The following C19orf18 variants were observed in gnomAD, a reference collection of about 807,000 sequenced individuals.
C19orf18 encodes uncharacterized protein C19orf18.
C19orf18 carries 21 observed loss-of-function variants against 23.3 expected under a neutral mutation model. That is an observed-to-expected ratio of 0.90 (90% CI 0.64 to 1.30). The LOEUF (loss-of-function observed/expected upper bound fraction) is 1.30. C19orf18 is among the 50% of genes most tolerant of loss of function. The pLI, the probability that C19orf18 is intolerant of heterozygous loss-of-function variation, is 0.00. For synonymous variants in C19orf18, 96 were observed against 95.2 expected (o/e 1.01, Z -0.05); for missense variants, 249 against 259.6 (o/e 0.96, Z 0.28).
rs774107357 is a variant in C19orf18 at position 57,958,669 on chromosome 19, T to C, written c.581A>G (p.Glu194Gly). Residue 194 changes from glutamate to glycine, a missense_variant, in exon 6 of 6, where the codon GAG (glutamate) becomes GGG (glycine). Physicochemically the swap from Glu to Gly is moderately conservative, Grantham distance 98 (BLOSUM62 -2). Coordinates refer to ENST00000314391, the MANE Select transcript of C19orf18 (RefSeq NM_152474.5). ...SKNIKKKLKEEQNSVTENKTK... is the reference protein window; with the variant it reads ...SKNIKKKLKEGQNSVTENKTK... Reference sequence around the variant, plus strand: ...TTTGTTTTCTGTTACTGAGTTTTGCTCTTCCTTCAGTTTCTTCTTAATATT... The same window carrying C: ...TTTGTTTTCTGTTACTGAGTTTTGCCCTTCCTTCAGTTTCTTCTTAATATT... 3.7e-6 allele frequency: 6 copies of C among 1,606,144 alleles called. No individual in the cohort carries two copies. Among genetic ancestry groups the C allele is most frequent in the Admixed American group, 1.7e-5 (1 of 58,556 alleles).
chr19:57,958,530 G>T lies in C19orf18; in HGVS notation c.*72C>A. 1 of 995,838 alleles carries T rather than the reference G, an allele frequency of 1.0e-6. No homozygotes were observed. The allele number at this position is 995,838 out of a possible 1,614,324, so 61.7% of individuals were successfully genotyped here. A position where few individuals can be genotyped will look rare whatever the true frequency, so the allele number is the denominator to read the frequency against. On this transcript the variant is annotated 3_prime_UTR_variant, in exon 6 of 6. Coordinates refer to ENST00000314391, the MANE Select transcript of C19orf18 (RefSeq NM_152474.5). Reference sequence around the variant, plus strand: ...ATAAGGTTCTCTGGGAGCAAGCCACGCCCACAGGCTCAGTCTCCCAGCACC... The same window carrying T: ...ATAAGGTTCTCTGGGAGCAAGCCACTCCCACAGGCTCAGTCTCCCAGCACC...
At chr19:57,969,566 GAAAAAAAAAAAAAAAAAAA>G (rs59100128) in intron 3 of C19orf18, among the ~76,000 whole-genome samples, 2 of 46,498 alleles carry the variant, frequency 4.3e-5, no homozygotes, top group African/African-American at 1.9e-4. Context: ...AAAAAAAACA[GAAAAAAAAAAAAAAAAAAA>G]AAAAAAAAAA....
intron 3 of C19orf18, among the ~76,000 whole-genome samples, chr19:57,967,931 G>A (rs2072919354): frequency 6.6e-6 from 1 of 152,132 alleles, no homozygotes; most frequent in South Asian, 2.1e-4. Context: ...AGAATCACTT[G>A]AACCCAGGAG....
chr19:57,960,661 G>A (rs1223824178), intron 5 of C19orf18, among the ~76,000 whole-genome samples: 3 of 152,036 alleles, frequency 2.0e-5, no homozygotes, highest in African/African-American at 7.3e-5. Flanking sequence ...ATAACATCAC[G>A]GTAATGAGTA....
intron 4 of C19orf18, among the ~76,000 whole-genome samples, chr19:57,963,360 A>C (rs1028159411): frequency 6.6e-6 from 1 of 151,736 alleles, no homozygotes; most frequent in African/African-American, 2.4e-5. Flanking sequence ...ATTGAAATGA[A>C]GCAAAAAAAA....
At position 57,974,116 on chromosome 19, in the gene C19orf18, G is replaced by T. The variant is rs2072966441; in HGVS notation, c.209C>A (p.Ala70Asp). 3.7e-6 allele frequency: 6 copies of T among 1,613,952 alleles called. No homozygotes were observed. Among genetic ancestry groups the T allele is most frequent in the Non-Finnish European group, 5.1e-6 (6 of 1,179,956 alleles). ...TGACTCACCCGTGGATCTCGAGGCA[G>T]CCCCTTGAATCCCAGGCAACTGGGT... ...HKTQLPGIQG[A>D]ASRSTAASPT... Residue 70 changes from alanine to aspartate, a missense_variant, in exon 2 of 6, where the codon GCT (alanine) becomes GAT (aspartate). Transcript: ENST00000314391.
Position 57,974,136 on chromosome 19 carries a change from C to T in C19orf18, c.189G>A (p.Gln63=), listed in dbSNP as rs371861105. Reference sequence around the variant, plus strand: ...AGGCAGCCCCTTGAATCCCAGGCAACTGGGTTTTATGAAAGAACACTTTGG... The same window carrying T: ...AGGCAGCCCCTTGAATCCCAGGCAATTGGGTTTTATGAAAGAACACTTTGG... The part of the protein sequence containing the change: ...KEPKVFFHKT[Q]LPGIQGAASR... The change falls in exon 2 of 6, where the codon CAG becomes CAA. Residue 63 remains glutamine (Q), a synonymous_variant. Transcript: ENST00000314391. 137 of 1,614,044 alleles carry T rather than the reference C, an allele frequency of 8.5e-5. No individual in the cohort carries two copies. The highest frequency in any genetic ancestry group is 1.8e-4 in the Admixed American group (11 of 60,000).
chr19:57,972,316 C>A, intron 3 of C19orf18, 147 bp downstream of exon 3: 1 of 938,334 alleles, frequency 1.1e-6, no homozygotes, highest in Non-Finnish European at 1.6e-6. Flanking sequence ...GCGCATCCCC[C>A]TCCAGAGGGG....
At chr19:57,960,679 C>T (rs545123558) in intron 5 of C19orf18, among the ~76,000 whole-genome samples, 9 of 152,168 alleles carry the variant, frequency 5.9e-5, no homozygotes, top group Admixed American at 2.0e-4. Context: ...GTATGTTTAA[C>T]GGAAACATGT....
chr19:57,963,018 T>C (rs181814433), intron 4 of C19orf18, among the ~76,000 whole-genome samples: 4 of 145,750 alleles, frequency 2.7e-5, no homozygotes, highest in African/African-American at 7.9e-5. Context: ...ATGAGTATTT[T>C]AACTCAATTT....
At chr19:57,963,620 G>T (rs1396826607) in intron 4 of C19orf18, among the ~76,000 whole-genome samples, 1 of 152,066 alleles carries the variant, frequency 6.6e-6, no homozygotes, top group African/African-American at 2.4e-5. Flanking sequence ...AAGCACAGTG[G>T]CTCACGCCTG....
intron 5 of C19orf18, among the ~76,000 whole-genome samples, 157 bp downstream of exon 5, chr19:57,961,234 T>TA (rs775666773): frequency 0.015 from 2,118 of 136,784 alleles, 47 homozygotes; most frequent in African/African-American, 0.055. Context: ...GAGTCCGTCT[T>TA]AAAAAAAAAA....
Position 57,958,616 on chromosome 19 carries a change from T to C in C19orf18, c.634A>G (p.Met212Val). Residue 212 changes from methionine to valine, a missense_variant, in exon 6 of 6, where the codon ATG (methionine) becomes GTG (valine). Physicochemically the swap from Met to Val is conservative, Grantham distance 21. Coordinates refer to ENST00000314391, the MANE Select transcript of C19orf18 (RefSeq NM_152474.5). ...GTCGTCTGCGTTCACAAGTCTTCCA[T>C]TTTTCCATTATGTGACGCATTCTTT... is the stretch of plus-strand genomic sequence containing the variant. ...KTKNASHNGK[M>V]EDL The C allele has an allele frequency of 6.2e-7, 1 of 1,603,216 alleles. No individual in the cohort carries two copies. The highest frequency in any genetic ancestry group is 8.5e-7 in the Non-Finnish European group (1 of 1,173,762).
At chr19:57,959,982 G>A (rs1336484529) in intron 5 of C19orf18, among the ~76,000 whole-genome samples, 3 of 150,316 alleles carry the variant, frequency 2.0e-5, no homozygotes, top group Admixed American at 6.7e-5. Flanking sequence ...CATGGTGCAC[G>A]CCTGTAATCC....
intron 3 of C19orf18, 35 bp downstream of exon 3, chr19:57,972,428 C>G: frequency 6.2e-7 from 1 of 1,610,610 alleles, no homozygotes; most frequent in Non-Finnish European, 8.5e-7. Context: ...AGGAATGTTG[C>G]GGGTCCACCC....
At chr19:57,961,356 G>T in intron 5 of C19orf18, 35 bp downstream of exon 5, 1 of 1,540,440 alleles carries the variant, frequency 6.5e-7, no homozygotes, top group African/African-American at 1.4e-5. Context: ...TGCCAGCTTG[G>T]CTTTCCTGCG....
intron 5 of C19orf18, among the ~76,000 whole-genome samples, chr19:57,960,405 A>G (rs952897565): frequency 2.9e-4 from 43 of 148,184 alleles, no homozygotes; most frequent in African/African-American, 1.0e-3. Flanking sequence ...CAGCCTGGGC[A>G]ACAGAGCAAG....
In C19orf18 at chr19:57,972,510, A is replaced by G; in HGVS notation, c.227-6T>C. 6.2e-7 allele frequency: 1 copy of G among 1,613,944 alleles called. No individual in the cohort carries two copies. On this transcript the variant is annotated splice_region_variant and splice_polypyrimidine_tract_variant and intron_variant, in intron 2 of 5. Coordinates refer to ENST00000314391, the MANE Select transcript of C19orf18 (RefSeq NM_152474.5). ...GGGGTTCGTAGGGGATGCAGCTAAA[A>G]GGCCATCAAAGGGGATCAAAAAGAA...
intron 4 of C19orf18, among the ~76,000 whole-genome samples, chr19:57,966,177 C>T (rs1423195465): frequency 6.6e-6 from 1 of 152,050 alleles, no homozygotes; most frequent in African/African-American, 2.4e-5. Flanking sequence ...CGGGGTTTCA[C>T]CGTGTTAGCC....
Sources: gnomAD v4.1 joint callset for allele counts (sites outside exome capture counted in the v4.1 genomes callset) on GRCh38, gnomAD v4.1.1 for gene constraint, MANE v1.5 for transcripts, NCBI Gene and HGNC (gene_info 2026-07-23, HGNC 2026-07-21) for gene names.